Variants in PARVB observed in about 807,000 individuals in gnomAD.
The protein encoded by PARVB is beta-parvin.
A neutral mutation model predicts 47.0 loss-of-function variants in PARVB; 46 were observed. The ratio of observed to expected loss-of-function variants is 0.98; its 90% CI spans 0.77 to 1.25. PARVB has a LOEUF of 1.25. PARVB is among the 50% of genes most tolerant of loss of function. The pLI is 0.00. For synonymous variants in PARVB, 196 were observed against 196.3 expected, an observed-to-expected ratio of 1.00 and a Z score of 0.01; for missense variants, 473 against 471.6, an observed-to-expected ratio of 1.00 and a Z score of -0.03.
At chr22:44,024,917 G>T (rs1054664446) in intron 1 of PARVB, among the ~76,000 whole-genome samples, 36 of 152,256 alleles carry the variant, frequency 2.4e-4, no homozygotes, top group African/African-American at 7.0e-4. Context: ...GGCGTGCAGG[G>T]CTGAGGCCTG....
intron 12 of PARVB, among the ~76,000 whole-genome samples, chr22:44,164,395 C>T (rs113482216): frequency 0.05 from 6,372 of 128,242 alleles, 470 homozygotes; most frequent in African/African-American, 0.18. Context: ...CTGGGGCGGG[C>T]GGTTGCTTCC....
At chr22:44,087,483 C>T (rs1353495838) in intron 1 of PARVB, among the ~76,000 whole-genome samples, 2 of 152,190 alleles carry the variant, frequency 1.3e-5, no homozygotes, top group Non-Finnish European at 2.9e-5. Context: ...GCCTTGCCAT[C>T]CCCCGTGTCC....
intron 2 of PARVB, among the ~76,000 whole-genome samples, chr22:44,015,647 CA>C (rs1466995837): frequency 6.6e-6 from 1 of 152,186 alleles, no homozygotes; most frequent in Non-Finnish European, 1.5e-5. Flanking sequence ...GGTGAAACCC[CA>C]TCTCTACTAA....
intron 4 of PARVB, among the ~76,000 whole-genome samples, chr22:44,120,127 G>T (rs2053010843): frequency 6.6e-6 from 1 of 152,240 alleles, no homozygotes; most frequent in South Asian, 2.1e-4. Flanking sequence ...TAGCTCTTGA[G>T]CCCGGCCGCG....
intron 4 of PARVB, among the ~76,000 whole-genome samples, chr22:44,122,508 G>C (rs182104961): frequency 0.024 from 2,215 of 91,546 alleles, 128 homozygotes; most frequent in African/African-American, 0.14. Flanking sequence ...GAGAGAGAGA[G>C]AGAGAGAGAG....
chr22:44,066,420 G>A (rs1038157840), intron 1 of PARVB, among the ~76,000 whole-genome samples: 1 of 152,168 alleles, frequency 6.6e-6, no homozygotes, highest in African/African-American at 2.4e-5. Flanking sequence ...TGTAACTTAC[G>A]TTTGGCTCAG....
chr22:44,150,469 C>T (rs1057006344), intron 9 of PARVB: 1 of 151,484 alleles, frequency 6.6e-6, no homozygotes, highest in Non-Finnish European at 1.5e-5. Flanking sequence ...GTCTGGAGTT[C>T]GAGACCAGCC....
chr22:44,030,904 G>A (rs1294635553), intron 1 of PARVB, among the ~76,000 whole-genome samples: 1 of 152,088 alleles, frequency 6.6e-6, no homozygotes, highest in African/African-American at 2.4e-5. Flanking sequence ...AGGCCAGCGG[G>A]CCTCCTAGCC....
chr22:44,140,180 T>C, intron 8 of PARVB, 37 bp downstream of exon 8: 1 of 1,610,184 alleles, frequency 6.2e-7, no homozygotes, highest in Non-Finnish European at 8.5e-7. Context: ...GATGGAGGCA[T>C]GTTAGGGCTC....
At chr22:44,114,407 C>A (rs1162767375) in intron 3 of PARVB, 1 of 121,952 alleles carries the variant, frequency 8.2e-6, no homozygotes, top group African/African-American at 3.5e-5. Context: ...GTTACTAAGG[C>A]CCTGCACCAA....
At chr22:44,110,052 G>A (rs1474248337) in intron 3 of PARVB, 5 of 138,194 alleles carry the variant, frequency 3.6e-5, no homozygotes, top group Non-Finnish European at 7.7e-5. Flanking sequence ...GGCGGAGCTT[G>A]CAGTGAGCCG....
chr22:44,171,742 G>A lies in PARVB; in HGVS notation c.*3064G>A, dbSNP rs2054271398. 2 of 151,824 alleles carry A rather than the reference G, an allele frequency of 1.3e-5. 1 individual carries two copies. The highest frequency in any genetic ancestry group is 2.9e-5 in the Non-Finnish European group (2 of 67,996). 9.4% of individuals were successfully genotyped at this position (151,824 alleles called of 1,614,324 possible). A position where few individuals can be genotyped will look rare whatever the true frequency, so the allele number is the denominator to read the frequency against. ...AACAGTAAAAGGAATCATAAGATCT[G>A]TGGGGAAGCTACATGGGCACTTGTG... On this transcript the variant is annotated 3_prime_UTR_variant, in exon 13 of 13. Coordinates refer to ENST00000338758, the MANE Select transcript of PARVB (RefSeq NM_013327.5).
intron 4 of PARVB, among the ~76,000 whole-genome samples, chr22:44,121,257 C>T (rs1569133306): frequency 6.6e-6 from 1 of 152,162 alleles, no homozygotes; most frequent in Non-Finnish European, 1.5e-5. Context: ...TCATGTTGGC[C>T]TCCCAAAGTG....
intron 3 of PARVB, chr22:44,106,945 T>C (rs962278250): frequency 6.6e-6 from 1 of 152,256 alleles, no homozygotes; most frequent in Non-Finnish European, 1.5e-5. Context: ...GTCAGCTTCC[T>C]GGATTTAAAT....
At chr22:44,074,549 G>A (rs2146988048) in intron 1 of PARVB, among the ~76,000 whole-genome samples, 2 of 152,322 alleles carry the variant, frequency 1.3e-5, no homozygotes, top group African/African-American at 4.8e-5. Context: ...GGGAGGCCAG[G>A]GCTTCAGGCA....
intron 1 of PARVB, among the ~76,000 whole-genome samples, chr22:44,093,410 GGTGTTCCATCAGATTTCT>G (rs2052219851): frequency 6.6e-6 from 1 of 152,190 alleles, no homozygotes; most frequent in South Asian, 2.1e-4. Flanking sequence ...TCCTGACCCG[GGTGTTCCATCAGATTTCT>G]GTGCCTGTGA....
chr22:44,087,814 T>C (rs1157645822), intron 1 of PARVB, among the ~76,000 whole-genome samples: 1 of 151,882 alleles, frequency 6.6e-6, no homozygotes. Flanking sequence ...TTTCCTTTTA[T>C]GTTCTTGTAA....
intron 1 of PARVB, among the ~76,000 whole-genome samples, chr22:44,073,635 G>A (rs952873230): frequency 1.3e-5 from 2 of 152,244 alleles, no homozygotes; most frequent in African/African-American, 4.8e-5. Flanking sequence ...AAATTTCTGT[G>A]TAGCTGAGGA....
intron 1 of PARVB, among the ~76,000 whole-genome samples, chr22:44,043,750 C>T (rs965929255): frequency 1.3e-5 from 2 of 152,122 alleles, no homozygotes; most frequent in Admixed American, 6.6e-5. Context: ...AAAAAAATAG[C>T]GTGGTACTGA....
Sources: allele counts gnomAD v4.1 joint callset (sites outside exome capture counted in the v4.1 genomes callset), GRCh38; gene constraint gnomAD v4.1.1; transcripts MANE v1.5; gene names NCBI Gene and HGNC (gene_info 2026-07-23, HGNC 2026-07-21).